Variants in CSN1S1 observed in about 807,000 individuals in gnomAD.
The protein encoded by CSN1S1 is casein alpha s1.
Under a neutral mutation model 49.1 loss-of-function variants are expected in CSN1S1, and 63 were observed. The observed-to-expected ratio is 1.28, with a 90% CI of 1.05 to 1.58. CSN1S1 has a LOEUF of 1.58. Ranked by LOEUF, CSN1S1 falls within the 40% of genes most tolerant of loss-of-function variation. The probability of loss-of-function intolerance (pLI) is 0.00; values close to 1 mark genes in which losing one functional copy is unlikely to be tolerated. For synonymous variants in CSN1S1, 78 were observed against 67.1 expected (o/e 1.16, Z -0.79); for missense variants, 260 against 224.7 (o/e 1.16, Z -1.01).
At chr4:69,940,759 G>A (rs1171958355) in intron 11 of CSN1S1, among the ~76,000 whole-genome samples, 5 of 151,676 alleles carry the variant, frequency 3.3e-5, no homozygotes. Flanking sequence ...CTGATATATT[G>A]TAACTAAAAT....
chr4:69,942,146 T>G, intron 13 of CSN1S1, 83 bp downstream of exon 13: 1 of 837,272 alleles, frequency 1.2e-6, no homozygotes, highest in Non-Finnish European at 1.8e-6. Flanking sequence ...TCTTTTAACA[T>G]AAATATATTC....
At chr4:69,931,348 T>C (rs1046953713) in intron 1 of CSN1S1, among the ~76,000 whole-genome samples, 2 of 152,040 alleles carry the variant, frequency 1.3e-5, no homozygotes, top group African/African-American at 4.8e-5. Flanking sequence ...TTGATAATTT[T>C]GTAACTAAAA....
chr4:69,936,642 G>A (rs1219246116), intron 7 of CSN1S1, 35 bp downstream of exon 7: 3 of 1,564,854 alleles, frequency 1.9e-6, no homozygotes, highest in Non-Finnish European at 2.6e-6. Flanking sequence ...TATGGCAAAA[G>A]TATATATTCT....
At chr4:69,935,472 C>A (rs575024693) in intron 4 of CSN1S1, among the ~76,000 whole-genome samples, 15 of 151,832 alleles carry the variant, frequency 9.9e-5, no homozygotes, top group African/African-American at 3.1e-4. Flanking sequence ...GTCACTTGAG[C>A]ATGGGCGGTT....
chr4:69,939,999 G>T (rs1424919607), intron 10 of CSN1S1, 22 bp from the exon 11 acceptor site: 1 of 1,345,508 alleles, frequency 7.4e-7, no homozygotes, highest in Non-Finnish European at 1.0e-6. Context: ...TTAAAACTAT[G>T]CATGTTTTAA....
intron 15 of CSN1S1, 112 bp downstream of exon 15, chr4:69,945,116 C>T: frequency 2.7e-6 from 3 of 1,127,680 alleles, no homozygotes; most frequent in Non-Finnish European, 3.8e-6. Flanking sequence ...AAATCAATGC[C>T]TACTGCAAAG....
At chr4:69,937,252 A>C in intron 8 of CSN1S1, 108 bp downstream of exon 8, 1 of 800,012 alleles carries the variant, frequency 1.2e-6, no homozygotes, top group Non-Finnish European at 1.9e-6. Context: ...AGATAACTCT[A>C]ATTCAAAGAA....
chr4:69,944,790 CA>C, intron 14 of CSN1S1, 59 bp from the exon 15 acceptor site: 1 of 1,529,952 alleles, frequency 6.5e-7, no homozygotes, highest in Non-Finnish European at 9.0e-7. Flanking sequence ...TGATATTTTT[CA>C]GGGACTGAAA....
chr4:69,941,463 T>C (rs1202048733), intron 12 of CSN1S1, among the ~76,000 whole-genome samples: 2 of 151,896 alleles, frequency 1.3e-5, no homozygotes, highest in African/African-American at 2.4e-5. Context: ...GAAACAGGAA[T>C]GCTAAACATC....
At chr4:69,944,448 T>C (rs192115389) in intron 14 of CSN1S1, among the ~76,000 whole-genome samples, 2 of 152,102 alleles carry the variant, frequency 1.3e-5, no homozygotes, top group Non-Finnish European at 2.9e-5. Flanking sequence ...GGGCCTGTAC[T>C]TTGACCCCAG....
At chr4:69,939,309 G>A (rs1722901949) in intron 10 of CSN1S1, 101 bp downstream of exon 10, 1 of 773,928 alleles carries the variant, frequency 1.3e-6, no homozygotes, top group Non-Finnish European at 2.1e-6. Flanking sequence ...CATTGTACAA[G>A]GCAGTGTATA....
chr4:69,942,117 T>C (rs1560390354), intron 13 of CSN1S1, 54 bp downstream of exon 13: 1 of 1,023,404 alleles, frequency 9.8e-7, no homozygotes, highest in Non-Finnish European at 1.4e-6. Context: ...ATGTGTTATG[T>C]TTTTATAATG....
intron 10 of CSN1S1, among the ~76,000 whole-genome samples, chr4:69,939,710 C>A (rs1269996254): frequency 2.0e-5 from 3 of 151,710 alleles, no homozygotes; most frequent in African/African-American, 7.2e-5. Context: ...TGGAAGAAGA[C>A]CTTCATGCAA....
chr4:69,934,856 A>G (rs1652704841), intron 4 of CSN1S1, 146 bp downstream of exon 4: 3 of 725,322 alleles, frequency 4.1e-6, no homozygotes, highest in African/African-American at 1.8e-5. Context: ...ATTGCTCTCT[A>G]AATTCTGTTT....
intron 10 of CSN1S1, among the ~76,000 whole-genome samples, chr4:69,939,484 G>A (rs1722906916): frequency 6.6e-6 from 1 of 151,790 alleles, no homozygotes; most frequent in African/African-American, 2.4e-5. Flanking sequence ...GTCCTTCGCA[G>A]ATTTTGTTAA....
chr4:69,941,029 G>A lies in CSN1S1; in HGVS notation c.311G>A (p.Cys104Tyr), dbSNP rs1722955584. 6.6e-7 allele frequency: 1 copy of A among 1,518,520 alleles called. No individual in the cohort carries two copies. The highest frequency in any genetic ancestry group is 9.0e-7 in the Non-Finnish European group (1 of 1,111,532). 94.1% of individuals were successfully genotyped at this position (1,518,520 alleles called of 1,614,324 possible). A position where few individuals can be genotyped will look rare whatever the true frequency, so the allele number is the denominator to read the frequency against. The change falls in exon 12 of 16, where the codon TGT (cysteine) becomes TAT (tyrosine). Residue 104 changes from cysteine (C) to tyrosine (Y), a missense_variant. Physicochemically the swap from Cys to Tyr is radical, Grantham distance 194 (BLOSUM62 -2). Transcript: ENST00000246891. ...MSLSKCAEQF[C>Y]RLNEYNQLQL... Reference sequence around the variant, plus strand: ...TTTCTTTTTAAATAGGAACAGTTTTGTAGACTGAACGAATACAACCAACTT... The same window carrying A: ...TTTCTTTTTAAATAGGAACAGTTTTATAGACTGAACGAATACAACCAACTT...
rs567966042 is a variant in CSN1S1 at position 69,932,844 on chromosome 4, TA to T, written c.51+244del. ...GACTTGAATTATAAGCACCCCACAA[TA>T]AAAAAGAGCTAAAAATTTAAAAGTA... On this transcript the variant is annotated intron_variant, in intron 2 of 15. Coordinates refer to ENST00000246891, the MANE Select transcript of CSN1S1 (RefSeq NM_001890.2). Among the ~76,000 whole-genome samples the T allele has an allele frequency of 7.2e-5, 11 of 151,744 alleles. No homozygotes were observed. The South Asian group carries it at 2.1e-3, about 29-fold the overall frequency.
intron 14 of CSN1S1, 92 bp downstream of exon 14, chr4:69,942,669 T>G: frequency 1.0e-6 from 1 of 992,286 alleles, no homozygotes; most frequent in Non-Finnish European, 1.5e-6. Context: ...TTGAAGAGAT[T>G]TTTTTCTTCT....
intron 15 of CSN1S1, among the ~76,000 whole-genome samples, chr4:69,945,579 G>A (rs1344798744): frequency 6.6e-6 from 1 of 151,870 alleles, no homozygotes; most frequent in African/African-American, 2.4e-5. Flanking sequence ...TCCTGATTTA[G>A]CAAATCTTTA....
Sources: gnomAD v4.1 joint callset for allele counts (sites outside exome capture counted in the v4.1 genomes callset) on GRCh38, gnomAD v4.1.1 for gene constraint, MANE v1.5 for transcripts, NCBI Gene and HGNC (gene_info 2026-07-23, HGNC 2026-07-21) for gene names.